KMO: variants seen among roughly 807,000 people sequenced by gnomAD.
KMO encodes the protein kynurenine 3-monooxygenase.
A neutral mutation model predicts 57.8 loss-of-function variants in KMO; 24 were observed. That is an observed-to-expected ratio of 0.42 (90% CI 0.30 to 0.58). The LOEUF is 0.58. KMO is among the 20% of genes least tolerant of loss of function. KMO has a pLI of 0.22. For synonymous variants in KMO, 210 were observed against 193.6 expected (o/e 1.08, Z -0.70); for missense variants, 483 against 588.2 (o/e 0.82, Z 1.85).
At chr1:241,584,022 C>A (rs757056728) in intron 10 of KMO, among the ~76,000 whole-genome samples, 7 of 151,964 alleles carry the variant, frequency 4.6e-5, no homozygotes, top group Non-Finnish European at 8.8e-5. Context: ...GGTACAGGTG[C>A]ACAATGTGCA....
At chr1:241,555,696 G>A in intron 5 of KMO, 36 bp downstream of exon 5, 1 of 1,269,704 alleles carries the variant, frequency 7.9e-7, no homozygotes, top group Middle Eastern at 1.9e-4. Flanking sequence ...TTGTCATTTT[G>A]AGTAAAGCAC....
intron 5 of KMO, among the ~76,000 whole-genome samples, chr1:241,557,240 C>T (rs944568686): frequency 5.3e-5 from 8 of 152,302 alleles, no homozygotes; most frequent in African/African-American, 1.9e-4. Flanking sequence ...GATCCAGTCA[C>T]ACACCATGTA....
At position 241,591,961 on chromosome 1, in the gene KMO, C is replaced by CAA. The variant is rs1663318484; in HGVS notation, c.1271_1272dup (p.Gly425LysfsTer9). The CAA allele has an allele frequency of 1.9e-6, 3 of 1,613,190 alleles. No individual in the cohort carries two copies. The highest frequency in any genetic ancestry group is 2.5e-6 in the Non-Finnish European group (3 of 1,179,236). On this transcript the variant is annotated frameshift_variant, in exon 15 of 15. Transcript: ENST00000366559. LOFTEE classifies it low-confidence loss of function (END_TRUNC). ...TTCTTGCTGTCTTACAGGTGATAAA[C>CAA]AAAGGACTCTTTTTCTTGGGATCAC...
chr1:241,592,185 T>G lies in KMO; in HGVS notation c.*32T>G, dbSNP rs2147989394. 6.5e-7 allele frequency: 1 copy of G among 1,547,738 alleles called. No individual in the cohort carries two copies. The highest frequency in any genetic ancestry group is 1.1e-5 in the South Asian group (1 of 89,066). ...GGTTTTGTGGTAGCAAATGCATGAT[T>G]TCTCTGTGACCAAAATTAAGCATGA... On this transcript the variant is annotated 3_prime_UTR_variant, in exon 15 of 15. Transcript: ENST00000366559.
intron 10 of KMO, among the ~76,000 whole-genome samples, 189 bp downstream of exon 10, chr1:241,568,836 A>G (rs902555662): frequency 6.6e-6 from 1 of 152,104 alleles, no homozygotes; most frequent in Non-Finnish European, 1.5e-5. Flanking sequence ...TCAATCCAGT[A>G]ATCCATAGTA....
chr1:241,549,685 G>A lies in KMO; in HGVS notation c.133G>A (p.Val45Met). The A allele has an allele frequency of 6.2e-7, 1 of 1,611,242 alleles. No homozygotes were observed. The highest frequency in any genetic ancestry group is 1.7e-4 in the Middle Eastern group (1 of 6,058). The change falls in exon 3 of 15, where the codon GTG becomes ATG. Residue 45 changes from valine (V) to methionine (M), a missense_variant. By Grantham distance (21) the Val-to-Met change is conservative. Coordinates refer to ENST00000366559, the MANE Select transcript of KMO (RefSeq NM_003679.5). ...DVYEAREDTR[V>M]ATFTRGRSIN... The stretch of plus-strand genomic sequence containing the variant: ...TGCTTCCAATGTCTCAGATACTCGA[G>A]TGGCTACCTTCACACGTGGAAGAAG...
chr1:241,541,982 TTTA>T (rs138542024), intron 1 of KMO, among the ~76,000 whole-genome samples: 7,622 of 152,292 alleles, frequency 0.05, 254 homozygotes, highest in Non-Finnish European at 0.073. Flanking sequence ...TTGACAAATG[TTTA>T]ATATTGCACT....
At chr1:241,574,303 A>G (rs1662419370) in intron 10 of KMO, among the ~76,000 whole-genome samples, 2 of 152,030 alleles carry the variant, frequency 1.3e-5, no homozygotes, top group Admixed American at 6.6e-5. Context: ...TTCCAGAACT[A>G]TGTTGAATAA....
At chr1:241,556,084 G>C (rs1661610078) in intron 5 of KMO, among the ~76,000 whole-genome samples, 1 of 152,090 alleles carries the variant, frequency 6.6e-6, no homozygotes, top group African/African-American at 2.4e-5. Flanking sequence ...AACAGAGTGA[G>C]ACCCTGTCTC....
At chr1:241,575,761 T>G (rs1378646520) in intron 10 of KMO, among the ~76,000 whole-genome samples, 5 of 152,080 alleles carry the variant, frequency 3.3e-5, no homozygotes, top group Non-Finnish European at 5.9e-5. Context: ...TTGGATAGAA[T>G]GTTCTGTAAA....
intron 4 of KMO, among the ~76,000 whole-genome samples, chr1:241,552,431 A>G (rs1016686882): frequency 2.0e-5 from 3 of 152,072 alleles, no homozygotes; most frequent in African/African-American, 7.2e-5. Flanking sequence ...CCCTTTAAGA[A>G]CTGCATAAAA....
intron 6 of KMO, among the ~76,000 whole-genome samples, chr1:241,561,676 C>T (rs1447263694): frequency 6.6e-6 from 1 of 152,204 alleles, no homozygotes; most frequent in Non-Finnish European, 1.5e-5. Flanking sequence ...ATTTCAGTTT[C>T]CCTTTTGCCA....
At chr1:241,541,820 TC>T (rs1660968629) in intron 1 of KMO, among the ~76,000 whole-genome samples, 1 of 152,172 alleles carries the variant, frequency 6.6e-6, no homozygotes, top group African/African-American at 2.4e-5. Flanking sequence ...AAGATCAAAA[TC>T]TTGAGACGTC....
chr1:241,594,742 T>C lies in KMO; in HGVS notation c.*2589T>C, dbSNP rs1399005297. ...ATATTAAGTAAAAGTTGGGCACTAA[T>C]CTGGATTAACATTCGAGGAAATCAG... On this transcript the variant is annotated 3_prime_UTR_variant, in exon 15 of 15. Transcript: ENST00000366559. 6.3e-7 allele frequency: 1 copy of C among 1,580,606 alleles called. No individual in the cohort carries two copies. Among genetic ancestry groups the C allele is most frequent in the Non-Finnish European group, 8.6e-7 (1 of 1,163,552 alleles).
At chr1:241,590,180 A>T (rs1558433518) in intron 13 of KMO, 24 bp from the exon 14 acceptor site, 1 of 1,611,078 alleles carries the variant, frequency 6.2e-7, no homozygotes, top group East Asian at 2.2e-5. Flanking sequence ...AATACACAAG[A>T]ATACTTTTTA....
intron 8 of KMO, among the ~76,000 whole-genome samples, chr1:241,565,312 T>A (rs1032444231): frequency 6.6e-6 from 1 of 152,092 alleles, no homozygotes; most frequent in African/African-American, 2.4e-5. Context: ...TCATCTCCAC[T>A]AAAGACAATT....
At chr1:241,538,595 CT>C (rs900571785) in intron 1 of KMO, among the ~76,000 whole-genome samples, 34 of 152,284 alleles carry the variant, frequency 2.2e-4, no homozygotes, top group African/African-American at 7.7e-4. Context: ...GCAAGGCAGG[CT>C]GTTTGGTGGG....
Position 241,564,974 on chromosome 1 carries a change from C to A in KMO, c.616-13C>A, listed in dbSNP as rs149668302. 90 of 1,568,308 alleles carry A rather than the reference C, an allele frequency of 5.7e-5. No individual in the cohort carries two copies. In the African/African-American group the frequency reaches 9.2e-4, roughly 16 times the overall value. ...TGAATGCACTAATCAATCATATATT[C>A]TTTTTTCTGCAGTATGCCATGGAAC... On this transcript the variant is annotated splice_polypyrimidine_tract_variant and intron_variant, in intron 7 of 14. Coordinates refer to ENST00000366559, the MANE Select transcript of KMO (RefSeq NM_003679.5).
intron 1 of KMO, among the ~76,000 whole-genome samples, chr1:241,541,467 G>A (rs1035828988): frequency 1.3e-5 from 2 of 152,262 alleles, no homozygotes; most frequent in Admixed American, 6.5e-5. Flanking sequence ...ATGTTGAGAG[G>A]GAGATGCCTA....
Sources: gnomAD v4.1 joint callset for allele counts (sites outside exome capture counted in the v4.1 genomes callset) on GRCh38, gnomAD v4.1.1 for gene constraint, MANE v1.5 for transcripts, NCBI Gene and HGNC (gene_info 2026-07-23, HGNC 2026-07-21) for gene names.